Variants in DZIP3 observed in about 807,000 individuals in gnomAD.
DZIP3 encodes DAZ interacting zinc finger protein 3, also known as E3 ubiquitin-protein ligase DZIP3.
Under a neutral mutation model 162.0 loss-of-function variants are expected in DZIP3, and 118 were observed. The ratio of observed to expected loss-of-function variants is 0.73; its 90% confidence interval spans 0.63 to 0.85. The LOEUF (loss-of-function observed/expected upper bound fraction) is 0.85. Ranked by LOEUF, DZIP3 falls within the 40% of genes least tolerant of loss-of-function variation. The pLI is 0.00. For missense variants in DZIP3, 1,331 were observed against 1,407.0 expected, an observed-to-expected ratio of 0.95 and a Z score of 0.86; for synonymous variants, 438 against 458.6, an observed-to-expected ratio of 0.96 and a Z score of 0.57.
At chr3:108,613,279 C>T (rs1940821343) in intron 4 of DZIP3, among the ~76,000 whole-genome samples, 1 of 151,980 alleles carries the variant, frequency 6.6e-6, no homozygotes, top group South Asian at 2.1e-4. Flanking sequence ...TCGCTAAATG[C>T]TAAGTCTAAA....
intron 10 of DZIP3, among the ~76,000 whole-genome samples, chr3:108,635,701 T>A (rs1264521232): frequency 6.7e-6 from 1 of 148,554 alleles, no homozygotes; most frequent in Admixed American, 6.8e-5. Context: ...TTAGCTATTA[T>A]AATATATAAC....
chr3:108,639,817 T>A (rs1942310633), intron 12 of DZIP3, among the ~76,000 whole-genome samples: 1 of 152,026 alleles, frequency 6.6e-6, no homozygotes, highest in Non-Finnish European at 1.5e-5. Context: ...TCCTTACTTT[T>A]GTTTGCTTTA....
intron 10 of DZIP3, 41 bp downstream of exon 10, chr3:108,635,013 T>G: frequency 8.0e-7 from 1 of 1,256,904 alleles, no homozygotes; most frequent in African/African-American, 1.5e-5. Flanking sequence ...CATTTCTTCC[T>G]CTACCCTTTC....
In DZIP3 at chr3:108,648,115, A is replaced by G. The variant is rs1403295426; in HGVS notation, c.1962+3A>G. On this transcript the variant is annotated splice_donor_region_variant and intron_variant, in intron 16 of 32. Coordinates refer to ENST00000361582, the MANE Select transcript of DZIP3 (RefSeq NM_014648.4). Reference sequence around the variant, plus strand: ...AATCTCTTAAAGATCTCCAGGAAGTATAAGCTCTCATTAATATTTGAGTTA... The same window carrying G: ...AATCTCTTAAAGATCTCCAGGAAGTGTAAGCTCTCATTAATATTTGAGTTA... 4 of 1,591,476 alleles carry G rather than the reference A, an allele frequency of 2.5e-6. No individual in the cohort carries two copies. Among genetic ancestry groups the G allele is most frequent in the South Asian group, 1.2e-5 (1 of 86,134 alleles).
At chr3:108,613,448 C>A (rs150849280) in intron 4 of DZIP3, among the ~76,000 whole-genome samples, 1 of 152,110 alleles carries the variant, frequency 6.6e-6, no homozygotes, top group East Asian at 1.9e-4. Flanking sequence ...TCAGACATAT[C>A]TAGAAAATAG....
chr3:108,667,025 T>G (rs1943709453), intron 21 of DZIP3, among the ~76,000 whole-genome samples: 1 of 151,728 alleles, frequency 6.6e-6, no homozygotes, highest in Admixed American at 6.6e-5. Flanking sequence ...TTATAAAGAT[T>G]AGAAATAATG....
intron 18 of DZIP3, among the ~76,000 whole-genome samples, chr3:108,653,507 G>GTGTGTGTATATA (rs1273159630): frequency 9.6e-6 from 1 of 104,602 alleles, no homozygotes; most frequent in Admixed American, 1.0e-4. Flanking sequence ...GTGTGTGTGT[G>GTGTGTGTATATA]TATATATATA....
intron 14 of DZIP3, among the ~76,000 whole-genome samples, chr3:108,646,374 C>CTTT: frequency 6.6e-6 from 1 of 152,256 alleles, no homozygotes; most frequent in East Asian, 1.9e-4. Context: ...GTGTTCTAGG[C>CTTT]TTTATCTGTG....
At chr3:108,691,020 A>C in intron 32 of DZIP3, 117 bp downstream of exon 32, 1 of 774,738 alleles carries the variant, frequency 1.3e-6, no homozygotes. Flanking sequence ...AATTTTATCA[A>C]AGCAGCAGCC....
At chr3:108,631,873 T>G (rs1281153280) in intron 8 of DZIP3, among the ~76,000 whole-genome samples, 2 of 151,844 alleles carry the variant, frequency 1.3e-5, no homozygotes, top group Non-Finnish European at 1.5e-5. Flanking sequence ...ATTTTCTTGT[T>G]TTATATATTT....
intron 9 of DZIP3, among the ~76,000 whole-genome samples, chr3:108,633,906 A>AGATCTCTCTGGATCTATCAGAATACTTCT (rs1942013155): frequency 1.4e-5 from 2 of 144,856 alleles, no homozygotes; most frequent in Admixed American, 6.8e-5. Context: ...TACTTCTGAT[A>AGATCTCTCTGGATCTATCAGAATACTTCT]GATCTCTCTC....
intron 5 of DZIP3, among the ~76,000 whole-genome samples, chr3:108,621,081 A>G (rs1400777887): frequency 1.3e-5 from 2 of 152,128 alleles, no homozygotes; most frequent in Non-Finnish European, 2.9e-5. Flanking sequence ...TCGGCCTCCC[A>G]AAGTGTTGGG....
intron 11 of DZIP3, 105 bp downstream of exon 11, chr3:108,636,813 C>T (rs186956776): frequency 1.3e-6 from 1 of 779,088 alleles, no homozygotes; most frequent in Non-Finnish European, 2.1e-6. Context: ...AGATTCCAGC[C>T]ATATTGCCTT....
chr3:108,642,451 A>C lies in DZIP3; in HGVS notation c.1078A>C (p.Ile360Leu). ...ENLGASYRKL[I>L]SLKITDTDIR... is the part of the protein sequence containing the mutation. The stretch of plus-strand genomic sequence containing the variant: ...TTCCTTTTGCAGTTATAGAAAGTTG[A>C]TATCTCTGAAAATAACTGATACTGA... The change falls in exon 13 of 33, where the codon ATA becomes CTA. Residue 360 changes from isoleucine (I) to leucine (L), a missense_variant. Transcript: ENST00000361582. The C allele has an allele frequency of 6.7e-7, 1 of 1,482,692 alleles. No individual in the cohort carries two copies. Among genetic ancestry groups the C allele is most frequent in the Non-Finnish European group, 9.1e-7 (1 of 1,094,942 alleles). The allele number at this position is 1,482,692 out of a possible 1,614,324, so 91.8% of individuals were successfully genotyped here.
intron 25 of DZIP3, 72 bp from the exon 26 acceptor site, chr3:108,677,425 A>C (rs1944154296): frequency 7.9e-7 from 1 of 1,260,512 alleles, no homozygotes; most frequent in Non-Finnish European, 1.2e-6. Flanking sequence ...TCAAAACTAC[A>C]TCAGATATTC....
At chr3:108,670,366 C>T (rs1362627809) in intron 22 of DZIP3, among the ~76,000 whole-genome samples, 1 of 151,848 alleles carries the variant, frequency 6.6e-6, no homozygotes, top group African/African-American at 2.4e-5. Flanking sequence ...CTCTTTTGGA[C>T]ATTTCATATA....
intron 1 of DZIP3, among the ~76,000 whole-genome samples, chr3:108,597,400 C>CT (rs972879817): frequency 3.9e-4 from 56 of 145,316 alleles, no homozygotes; most frequent in Middle Eastern, 3.6e-3. Flanking sequence ...GTTGCCTTGC[C>CT]TTTTTTTTTT....
intron 14 of DZIP3, 87 bp downstream of exon 14, chr3:108,644,868 T>G: frequency 7.9e-7 from 1 of 1,266,524 alleles, no homozygotes; most frequent in Non-Finnish European, 1.1e-6. Context: ...GGGCAAGAGA[T>G]TCAGTGAGCT....
At chr3:108,611,087 C>G in intron 3 of DZIP3, 87 bp from the exon 4 acceptor site, 2 of 1,318,062 alleles carry the variant, frequency 1.5e-6, no homozygotes, top group East Asian at 2.5e-5. Flanking sequence ...AGCTTTGTTC[C>G]TTTTTTAATG....
Sources: allele counts gnomAD v4.1 joint callset (sites outside exome capture counted in the v4.1 genomes callset), GRCh38; gene constraint gnomAD v4.1.1; transcripts MANE v1.5; gene names NCBI Gene and HGNC (gene_info 2026-07-23, HGNC 2026-07-21).